ERBB2: variants seen among roughly 807,000 people sequenced by gnomAD.
The protein encoded by ERBB2 is receptor tyrosine-protein kinase erbB-2.
A neutral mutation model predicts 149.0 loss-of-function variants in ERBB2; 61 were observed. The ratio of observed to expected loss-of-function variants is 0.41; its 90% CI spans 0.33 to 0.51. ERBB2 has a LOEUF of 0.51. Ranked by LOEUF, ERBB2 falls within the 20% of genes least tolerant of loss-of-function variation. The probability of loss-of-function intolerance (pLI) is 0.25; values close to 1 mark genes in which losing one functional copy is unlikely to be tolerated. For missense variants in ERBB2, 1,205 were observed against 1,655.1 expected (o/e 0.73, Z 4.72); for synonymous variants, 633 against 678.8 (o/e 0.93, Z 1.05).
At chr17:39,696,625 T>A (rs2057870094), upstream of ERBB2, 1 of 152,168 alleles carries the variant, frequency 6.6e-6, no homozygotes, top group African/African-American at 2.4e-5. Context: ...CTTGGGAAAG[T>A]TCCTTTAGCT....
At chr17:39,712,178 C>T in intron 8 of ERBB2, 131 bp downstream of exon 8, 1 of 1,525,736 alleles carries the variant, frequency 6.6e-7, no homozygotes, top group Non-Finnish European at 9.0e-7. Context: ...ACTCTCTACC[C>T]CTGGCCCCCC....
upstream of ERBB2, among the ~76,000 whole-genome samples, chr17:39,690,339 A>G (rs562212409): frequency 3.3e-4 from 50 of 152,200 alleles, no homozygotes; most frequent in South Asian, 1.9e-3. Context: ...TCCCGCCTCA[A>G]CCTCCCAAAG....
chr17:39,712,571 A>G (rs1040653822), intron 9 of ERBB2, 123 bp downstream of exon 9: 2 of 1,175,312 alleles, frequency 1.7e-6, no homozygotes, highest in Non-Finnish European at 2.4e-6. Flanking sequence ...ATGCAAAGAA[A>G]GCAGATGGGA....
upstream of ERBB2, among the ~76,000 whole-genome samples, chr17:39,692,405 CTTT>C (rs779846935): frequency 1.4e-5 from 2 of 142,950 alleles, no homozygotes; most frequent in Non-Finnish European, 1.5e-5. Context: ...GTAAGGAACA[CTTT>C]TTTTTTTTTT....
chr17:39,710,691 G>T (rs1228159794), intron 7 of ERBB2, among the ~76,000 whole-genome samples: 2 of 152,162 alleles, frequency 1.3e-5, no homozygotes, highest in African/African-American at 4.8e-5. Context: ...AGACTGCCTG[G>T]GTTTGAAACC....
At chr17:39,693,194 C>G (rs1348790272), upstream of ERBB2, 1 of 152,196 alleles carries the variant, frequency 6.6e-6, no homozygotes, top group Non-Finnish European at 1.5e-5. Context: ...ACATTTCTTC[C>G]ACCTCTGCCA....
At chr17:39,700,491 G>A (rs1037816113) in intron 1 of ERBB2, among the ~76,000 whole-genome samples, 180 bp downstream of exon 1, 23 of 152,366 alleles carry the variant, frequency 1.5e-4, no homozygotes, top group African/African-American at 5.3e-4. Context: ...GGAGGGGGCA[G>A]TTACACGGCA....
chr17:39,720,040 G>T (rs1254845770), intron 16 of ERBB2: 2 of 580,740 alleles, frequency 3.4e-6, no homozygotes, highest in Non-Finnish European at 6.2e-6. Context: ...AGGAAAGATG[G>T]CTAGGAAACC....
chr17:39,724,286 T>TG (rs2059622042), intron 19 of ERBB2, among the ~76,000 whole-genome samples: 1 of 143,690 alleles, frequency 7.0e-6, no homozygotes, highest in African/African-American at 2.5e-5. Flanking sequence ...TTTTTTTTTT[T>TG]TTGAGACAGA....
intron 6 of ERBB2, 34 bp downstream of exon 6, chr17:39,710,235 A>AC (rs747009858): frequency 9.3e-6 from 15 of 1,607,908 alleles, no homozygotes; most frequent in Middle Eastern, 1.7e-4. Flanking sequence ...AATGTGCTCT[A>AC]CCCCCCAGGA....
chr17:39,697,237 A>G (rs2057883351), upstream of ERBB2, among the ~76,000 whole-genome samples: 1 of 152,106 alleles, frequency 6.6e-6, no homozygotes. Flanking sequence ...ATATTTCTCG[A>G]ATGTTTGTGA....
Position 39,708,439 on chromosome 17 carries a change from C to G in ERBB2, c.344C>G (p.Ala115Gly), listed in dbSNP as rs748301823. The G allele has an allele frequency of 1.2e-6, 2 of 1,614,186 alleles. No individual in the cohort carries two copies. The highest frequency in any genetic ancestry group is 1.7e-6 in the Non-Finnish European group (2 of 1,180,008). Residue 115 changes from alanine to glycine, a missense_variant, in exon 3 of 27, where the codon GCC becomes GGC. Around this residue, in one of 6 missense-constraint regions of ERBB2, gnomAD observed 569 missense variants for 803.5 expected, o/e 0.71. Coordinates refer to ENST00000269571, the MANE Select transcript of ERBB2 (RefSeq NM_004448.4). ...CTCTTTGAGGACAACTATGCCCTGG[C>G]CGTGCTAGACAATGGAGACCCGCTG... ...TQLFEDNYAL[A>G]VLDNGDPLNN...
Position 39,723,464 on chromosome 17 carries a change from C to T in ERBB2, c.2085+7C>T, listed in dbSNP as rs781244335. 10 of 1,613,796 alleles carry T rather than the reference C, an allele frequency of 6.2e-6. No individual in the cohort carries two copies. In the Admixed American group the frequency reaches 1.2e-4, roughly 19 times the overall value. On this transcript the variant is annotated splice_region_variant and intron_variant, in intron 17 of 26. Transcript: ENST00000269571. The surrounding 1 kb of genome is among the most constrained non-coding windows in gnomAD (Gnocchi z 6.2). Reference sequence around the variant, plus strand: ...ACTGCTGCAGGAAACGGAGGTGAGGCGGGGTGAAGTCCTCCCAGCCCGCGT... The same window carrying T: ...ACTGCTGCAGGAAACGGAGGTGAGGTGGGGTGAAGTCCTCCCAGCCCGCGT...
intron 2 of ERBB2, chr17:39,707,367 T>C (rs942013393): frequency 8.5e-5 from 36 of 422,822 alleles, no homozygotes; most frequent in Non-Finnish European, 1.3e-4. Flanking sequence ...ATGGGATGCG[T>C]CTGTGTTTCC....
intron 20 of ERBB2, 54 bp from the exon 21 acceptor site, chr17:39,724,995 T>C (rs764462694): frequency 2.9e-5 from 47 of 1,609,552 alleles, no homozygotes; most frequent in Non-Finnish European, 4.0e-5. Flanking sequence ...TTGCTGGGCA[T>C]GTGGCCAGGC....
intron 1 of ERBB2, 123 bp downstream of exon 1, chr17:39,700,434 G>C (rs112426264): frequency 2.5e-6 from 2 of 813,870 alleles, no homozygotes; most frequent in Non-Finnish European, 1.7e-6. Flanking sequence ...CCGAAGTTGT[G>C]GACAGTCGAG....
intron 2 of ERBB2, 45 bp downstream of exon 2, chr17:39,707,186 C>T (rs2145414097): frequency 6.7e-7 from 1 of 1,482,568 alleles, no homozygotes; most frequent in Non-Finnish European, 9.0e-7. Flanking sequence ...TCCAGCTGGG[C>T]TGAGCCCTCT....
At chr17:39,697,235 C>T (rs780199060), upstream of ERBB2, among the ~76,000 whole-genome samples, 1 of 151,970 alleles carries the variant, frequency 6.6e-6, no homozygotes, top group Non-Finnish European at 1.5e-5. Context: ...CAATATTTCT[C>T]GAATGTTTGT....
chr17:39,709,109 A>G lies in ERBB2; in HGVS notation c.440-209A>G. ...ATGAGCATCTGGACCTAGCATGGAC[A>G]ACTCACTCCTCCCTGGCTCTCGCTT... On this transcript the variant is annotated intron_variant, in intron 3 of 26. Transcript: ENST00000269571. 4.9e-6 allele frequency: 3 copies of G among 609,476 alleles called. No homozygotes were observed. In the East Asian group the frequency reaches 8.2e-5, roughly 17 times the overall value. The allele number at this position is 609,476 out of a possible 1,614,324, so 37.8% of individuals were successfully genotyped here.
Sources: gnomAD v4.1 joint callset for allele counts (sites outside exome capture counted in the v4.1 genomes callset) on GRCh38, gnomAD v4.1.1 for gene constraint, gnomAD v4.1.1 regional missense constraint, Gnocchi (gnomAD v3.1) non-coding constraint, MANE v1.5 for transcripts, NCBI Gene and HGNC (gene_info 2026-07-23, HGNC 2026-07-21) for gene names.